PDS5A: variants seen among roughly 807,000 people sequenced by gnomAD.
The protein encoded by PDS5A is PDS5 cohesin associated factor A.
In PDS5A, 42 loss-of-function variants were observed where a neutral mutation model predicts 167.1. The ratio of observed to expected loss-of-function variants is 0.25; its 90% CI spans 0.20 to 0.33. PDS5A has a LOEUF of 0.33. PDS5A is among the 10% of genes least tolerant of loss of function. PDS5A has a pLI of 1.00. For synonymous variants in PDS5A, 553 were observed against 554.6 expected (o/e 1.00, Z 0.04); for missense variants, 1,033 against 1,605.9 (o/e 0.64, Z 6.10).
At chr4:39,936,100 C>T (rs1242132709) in intron 2 of PDS5A, among the ~76,000 whole-genome samples, 1 of 152,160 alleles carries the variant, frequency 6.6e-6, no homozygotes, top group Non-Finnish European at 1.5e-5. Flanking sequence ...AAGGAGGAAA[C>T]TTATGAGGGT....
intron 11 of PDS5A, among the ~76,000 whole-genome samples, chr4:39,906,107 CT>C (rs765840038): frequency 6.6e-6 from 1 of 152,136 alleles, no homozygotes; most frequent in Non-Finnish European, 1.5e-5. Flanking sequence ...CGCCTGTAAT[CT>C]CAACACTTTG....
At chr4:39,866,770 C>T in intron 23 of PDS5A, 91 bp downstream of exon 23, 1 of 1,096,186 alleles carries the variant, frequency 9.1e-7, no homozygotes, top group Non-Finnish European at 1.3e-6. Flanking sequence ...GGTGTAATTA[C>T]ACCATTCAGT....
Position 39,943,840 on chromosome 4 carries a change from A to G in PDS5A, c.139-15676T>C, listed in dbSNP as rs1214992321. The stretch of plus-strand genomic sequence containing the variant: ...AACAACAACAACAACAAAAAGATCC[A>G]TTCTACCAGACCTAAACCATTTAAC... On this transcript the variant is annotated intron_variant, in intron 2 of 32. Transcript: ENST00000303538. Among the ~76,000 whole-genome samples the G allele has an allele frequency of 3.3e-5, 5 of 151,602 alleles. No individual in the cohort carries two copies. In the East Asian group the frequency reaches 9.7e-4, roughly 30 times the overall value.
intron 2 of PDS5A, among the ~76,000 whole-genome samples, chr4:39,959,415 G>A (rs1376677949): frequency 1.3e-5 from 2 of 152,104 alleles, no homozygotes; most frequent in Non-Finnish European, 2.9e-5. Context: ...ACAGTGGCAC[G>A]ATCATGACCA....
intron 9 of PDS5A, among the ~76,000 whole-genome samples, chr4:39,913,247 G>A (rs953152393): frequency 6.6e-6 from 1 of 151,878 alleles, no homozygotes; most frequent in Non-Finnish European, 1.5e-5. Flanking sequence ...ACCACCCCTG[G>A]TTAATTTTTG....
chr4:39,898,180 T>G, intron 16 of PDS5A: 1 of 1,252,190 alleles, frequency 8.0e-7, no homozygotes, highest in South Asian at 3.5e-5. Flanking sequence ...CCAATCTCCC[T>G]GGCTTAGTTC....
rs372011026 is a variant in PDS5A at position 39,900,456 on chromosome 4, G to A, written c.1551C>T (p.Arg517=). ...KCQNMLRSHV[R]ELLDLHKQPT... Reference sequence around the variant, plus strand: ...GCTGCTTGTGCAAATCCAATAGTTCGCGTACATGGCTCCGAAGCATGTTCT... The same window carrying A: ...GCTGCTTGTGCAAATCCAATAGTTCACGTACATGGCTCCGAAGCATGTTCT... Residue 517 remains arginine (R), a synonymous_variant, in exon 14 of 33, where the codon CGC becomes CGT. Transcript: ENST00000303538. The A allele has an allele frequency of 3.3e-5, 52 of 1,583,594 alleles. No homozygotes were observed. The highest frequency in any genetic ancestry group is 8.1e-5 in the South Asian group (7 of 86,724).
At chr4:39,882,231 T>C (rs1157496584) in intron 17 of PDS5A, among the ~76,000 whole-genome samples, 1 of 152,238 alleles carries the variant, frequency 6.6e-6, no homozygotes, top group Non-Finnish European at 1.5e-5. Flanking sequence ...CTTGTGCTTA[T>C]TTACCGTCTT....
intron 11 of PDS5A, among the ~76,000 whole-genome samples, chr4:39,906,619 AAGC>A (rs555778865): frequency 2.0e-5 from 3 of 151,604 alleles, no homozygotes; most frequent in Non-Finnish European, 4.4e-5. Flanking sequence ...AAAAAAAAAA[AAGC>A]AGCAGCAGCA....
At chr4:39,860,368 G>A (rs537486997) in intron 26 of PDS5A, among the ~76,000 whole-genome samples, 70 of 151,978 alleles carry the variant, frequency 4.6e-4, no homozygotes, top group Admixed American at 2.3e-3. Flanking sequence ...GGGAGGCTGA[G>A]GCATGAGAAT....
chr4:39,904,546 A>G (rs546529607), intron 11 of PDS5A, among the ~76,000 whole-genome samples: 66 of 152,226 alleles, frequency 4.3e-4, no homozygotes, highest in Admixed American at 2.5e-3. Flanking sequence ...GTTAGCCAGG[A>G]TGGTCTCGAT....
intron 2 of PDS5A, among the ~76,000 whole-genome samples, chr4:39,933,826 T>A (rs1726318720): frequency 6.6e-6 from 1 of 152,184 alleles, no homozygotes; most frequent in Non-Finnish European, 1.5e-5. Context: ...CTACATTTCC[T>A]AGATTCCCTT....
intron 32 of PDS5A, chr4:39,836,924 T>G (rs1189322980): frequency 6.7e-6 from 1 of 149,650 alleles, no homozygotes; most frequent in South Asian, 2.1e-4. Context: ...TTCTCCTGCC[T>G]CAGCCTCCTG....
chr4:39,858,032 A>T (rs1718677366), intron 26 of PDS5A, among the ~76,000 whole-genome samples: 1 of 152,166 alleles, frequency 6.6e-6, no homozygotes, highest in Non-Finnish European at 1.5e-5. Context: ...CCAGAAAACT[A>T]CAGAACAGTG....
At chr4:39,918,201 AC>A (rs1298448772) in intron 7 of PDS5A, among the ~76,000 whole-genome samples, 220 of 150,872 alleles carry the variant, frequency 1.5e-3, no homozygotes, top group African/African-American at 5.0e-3. Context: ...AAAAAAAAAA[AC>A]AGAATAATTT....
chr4:39,867,988 C>CA (rs1460400328), intron 22 of PDS5A, among the ~76,000 whole-genome samples: 2 of 151,726 alleles, frequency 1.3e-5, no homozygotes, highest in Admixed American at 6.6e-5. Context: ...AAAAGCTAGC[C>CA]AAAAAATCAA....
At chr4:39,925,115 A>C (rs774862584) in intron 5 of PDS5A, among the ~76,000 whole-genome samples, 4 of 152,164 alleles carry the variant, frequency 2.6e-5, no homozygotes, top group Non-Finnish European at 5.9e-5. Context: ...CTGTCTCAAA[A>C]AAAACAAAAC....
At chr4:39,896,379 T>G (rs929437102) in intron 16 of PDS5A, among the ~76,000 whole-genome samples, 2 of 151,296 alleles carry the variant, frequency 1.3e-5, no homozygotes, top group Non-Finnish European at 2.9e-5. Context: ...TTGACTCTTT[T>G]GTAGTAACAC....
intron 2 of PDS5A, among the ~76,000 whole-genome samples, chr4:39,964,343 T>G (rs1305806078): frequency 6.6e-6 from 1 of 152,156 alleles, no homozygotes; most frequent in Admixed American, 6.6e-5. Context: ...GCTGATTAAA[T>G]TATGTAAATA....
Sources: gnomAD v4.1 joint callset for allele counts (sites outside exome capture counted in the v4.1 genomes callset) on GRCh38, gnomAD v4.1.1 for gene constraint, MANE v1.5 for transcripts, NCBI Gene and HGNC (gene_info 2026-07-23, HGNC 2026-07-21) for gene names.